Variants in PLXDC2 observed in about 807,000 individuals in gnomAD.
The protein encoded by PLXDC2 is plexin domain-containing protein 2.
A neutral mutation model predicts 68.9 loss-of-function variants in PLXDC2; 40 were observed. The observed-to-expected ratio is 0.58, with a 90% CI of 0.45 to 0.76. The LOEUF (loss-of-function observed/expected upper bound fraction) is 0.76. PLXDC2 is among the 30% of genes least tolerant of loss of function. PLXDC2 has a pLI of 0.00. For synonymous variants in PLXDC2, 243 were observed against 234.2 expected (o/e 1.04, Z -0.34); for missense variants, 644 against 661.9 (o/e 0.97, Z 0.30).
At chr10:19,882,051 T>G (rs1336612104) in intron 1 of PLXDC2, among the ~76,000 whole-genome samples, 1 of 152,246 alleles carries the variant, frequency 6.6e-6, no homozygotes, top group Non-Finnish European at 1.5e-5. Context: ...TTGACATGTT[T>G]CTGGTAATGT....
intron 1 of PLXDC2, among the ~76,000 whole-genome samples, chr10:19,908,871 G>C (rs922664750): frequency 2.0e-5 from 3 of 152,066 alleles, no homozygotes; most frequent in Admixed American, 6.6e-5. Context: ...CAATGAGAAG[G>C]CGACCTTGCT....
At chr10:20,028,231 T>G (rs545313508) in intron 2 of PLXDC2, among the ~76,000 whole-genome samples, 6 of 152,170 alleles carry the variant, frequency 3.9e-5, no homozygotes, top group Non-Finnish European at 8.8e-5. Context: ...TCTGATTTAA[T>G]TGGTCTAGAA....
At chr10:20,100,365 G>A (rs1419573645) in intron 4 of PLXDC2, among the ~76,000 whole-genome samples, 1 of 152,150 alleles carries the variant, frequency 6.6e-6, no homozygotes, top group Non-Finnish European at 1.5e-5. Flanking sequence ...GTGGGAAAGA[G>A]AGATAATGAA....
At chr10:20,257,946 G>T (rs1219131547) in intron 13 of PLXDC2, among the ~76,000 whole-genome samples, 1 of 148,152 alleles carries the variant, frequency 6.7e-6, no homozygotes, top group Non-Finnish European at 1.5e-5. Context: ...TGGCATACTT[G>T]GTATTTTCTA....
At chr10:20,009,712 G>C (rs1394153152) in intron 2 of PLXDC2, among the ~76,000 whole-genome samples, 5 of 149,686 alleles carry the variant, frequency 3.3e-5, no homozygotes, top group Non-Finnish European at 5.9e-5. Context: ...GAAAGTGTCA[G>C]AAGATAGCCA....
intron 1 of PLXDC2, among the ~76,000 whole-genome samples, chr10:19,953,827 T>G (rs543808013): frequency 2.0e-5 from 3 of 148,226 alleles, no homozygotes; most frequent in South Asian, 4.3e-4. Flanking sequence ...AACCAGCCTG[T>G]TTTTTTTTTC....
At chr10:19,845,162 C>T (rs1836984500) in intron 1 of PLXDC2, among the ~76,000 whole-genome samples, 1 of 152,112 alleles carries the variant, frequency 6.6e-6, no homozygotes, top group Non-Finnish European at 1.5e-5. Context: ...CGTTCCCTGT[C>T]TATAGAAGAA....
chr10:20,157,960 T>C (rs1834238432), intron 6 of PLXDC2, among the ~76,000 whole-genome samples: 1 of 152,118 alleles, frequency 6.6e-6, no homozygotes, highest in African/African-American at 2.4e-5. Flanking sequence ...TCCTCAGAAA[T>C]GTGCGATTCA....
At chr10:20,185,519 T>C (rs1359448917) in intron 9 of PLXDC2, among the ~76,000 whole-genome samples, 2 of 151,962 alleles carry the variant, frequency 1.3e-5, no homozygotes, top group Non-Finnish European at 2.9e-5. Context: ...GACACCACAA[T>C]TGTTGAATGA....
intron 12 of PLXDC2, among the ~76,000 whole-genome samples, chr10:20,231,255 G>A (rs1835360429): frequency 6.7e-6 from 1 of 149,466 alleles, no homozygotes; most frequent in Non-Finnish European, 1.5e-5. Flanking sequence ...AAATATATAT[G>A]AATATTGACA....
intron 10 of PLXDC2, among the ~76,000 whole-genome samples, chr10:20,217,160 CA>C (rs1835148877): frequency 6.6e-6 from 1 of 152,040 alleles, no homozygotes; most frequent in South Asian, 2.1e-4. Flanking sequence ...GCAAGGTAAA[CA>C]GTAATATGAA....
chr10:20,200,541 T>G (rs74327474), intron 9 of PLXDC2, among the ~76,000 whole-genome samples: 1,685 of 152,008 alleles, frequency 0.011, 37 homozygotes, highest in African/African-American at 0.039. Context: ...ACAATTGGCA[T>G]TGCAACAAAC....
chr10:20,226,096 C>T (rs1835282529), intron 12 of PLXDC2, among the ~76,000 whole-genome samples: 1 of 152,188 alleles, frequency 6.6e-6, no homozygotes, highest in South Asian at 2.1e-4. Context: ...TCTGAAACTA[C>T]CTATTGGTCC....
intron 1 of PLXDC2, among the ~76,000 whole-genome samples, chr10:19,943,939 A>C (rs1449556888): frequency 6.6e-6 from 1 of 152,222 alleles, no homozygotes; most frequent in Non-Finnish European, 1.5e-5. Context: ...ATTTGATAGA[A>C]TGTCGCCTTT....
intron 10 of PLXDC2, among the ~76,000 whole-genome samples, chr10:20,216,186 G>T (rs1453423706): frequency 1.3e-5 from 2 of 152,102 alleles, no homozygotes; most frequent in African/African-American, 2.4e-5. Flanking sequence ...GGGGGAAAAA[G>T]AAACTTAAAA....
At chr10:20,072,040 G>A (rs1350057579) in intron 4 of PLXDC2, among the ~76,000 whole-genome samples, 1 of 152,016 alleles carries the variant, frequency 6.6e-6, no homozygotes, top group African/African-American at 2.4e-5. Flanking sequence ...AGAATGTTGT[G>A]GAGTACTTTG....
At chr10:20,120,982 G>A (rs12573625) in intron 4 of PLXDC2, among the ~76,000 whole-genome samples, 28,458 of 152,060 alleles carry the variant, frequency 0.19, 3,392 homozygotes, top group East Asian at 0.4. Flanking sequence ...TGGGGTGAAT[G>A]TCAGGTGGAT....
intron 13 of PLXDC2, among the ~76,000 whole-genome samples, chr10:20,254,253 A>G (rs1835714964): frequency 6.6e-6 from 1 of 152,230 alleles, no homozygotes; most frequent in Non-Finnish European, 1.5e-5. Context: ...TTTCCTGGCA[A>G]CTAATAGTAC....
chr10:20,186,935 A>G (rs904233924), intron 9 of PLXDC2, among the ~76,000 whole-genome samples: 3 of 151,900 alleles, frequency 2.0e-5, no homozygotes, highest in African/African-American at 4.8e-5. Context: ...TATACCCAGT[A>G]ATGGGATTGC....
Sources: allele counts gnomAD v4.1 joint callset (sites outside exome capture counted in the v4.1 genomes callset), GRCh38; gene constraint gnomAD v4.1.1; transcripts MANE v1.5; gene names NCBI Gene and HGNC (gene_info 2026-07-23, HGNC 2026-07-21).